The following CADPS2 variants were observed in gnomAD, a reference collection of about 807,000 sequenced individuals.
The protein encoded by CADPS2 is calcium dependent secretion activator 2, also known as calcium-dependent secretion activator 2.
A neutral mutation model predicts 172.5 loss-of-function variants in CADPS2; 93 were observed. The ratio of observed to expected loss-of-function variants is 0.54; its 90% CI spans 0.46 to 0.64. The LOEUF (loss-of-function observed/expected upper bound fraction) is 0.64, where lower values mean the gene tolerates loss of function less well. CADPS2 is among the 30% of genes least tolerant of loss of function. CADPS2 has a pLI of 0.00. For missense variants in CADPS2, 1,420 were observed against 1,565.9 expected (o/e 0.91, Z 1.57); for synonymous variants, 546 against 555.2 (o/e 0.98, Z 0.23).
intron 7 of CADPS2, among the ~76,000 whole-genome samples, chr7:122,565,110 ATTAC>A (rs2066281534): frequency 6.6e-6 from 1 of 152,040 alleles, no homozygotes. Flanking sequence ...GCACTGAAAA[ATTAC>A]TTACTCGATA....
At chr7:122,670,842 C>G (rs993305129) in intron 2 of CADPS2, among the ~76,000 whole-genome samples, 8 of 149,108 alleles carry the variant, frequency 5.4e-5, no homozygotes, top group Non-Finnish European at 5.9e-5. Context: ...TATGATCTCG[C>G]TACTGCACAG....
rs1431513372 is a variant in CADPS2 at position 122,508,465 on chromosome 7, T to G, written c.1542+4784A>C. Among the ~76,000 whole-genome samples the G allele has an allele frequency of 3.0e-5, 4 of 135,428 alleles. No homozygotes were observed. In the South Asian group the frequency reaches 1.0e-3, roughly 35 times the overall value. 88.8% of individuals were successfully genotyped at this position (135,428 alleles called of 152,430 possible). On this transcript the variant is annotated intron_variant, in intron 9 of 29. Transcript: ENST00000449022. ...TTCATTTAAGTTTTTTTTTTTTTTT[T>G]TTTTTTTTTTTTTTCTGGAGACAGC...
intron 1 of CADPS2, among the ~76,000 whole-genome samples, chr7:122,776,906 T>C (rs950126001): frequency 6.6e-6 from 1 of 152,150 alleles, no homozygotes; most frequent in Non-Finnish European, 1.5e-5. Context: ...ATGCCAGCAC[T>C]TTGGGAGACA....
chr7:122,608,100 C>G (rs12706422), intron 6 of CADPS2, among the ~76,000 whole-genome samples: 16,170 of 151,796 alleles, frequency 0.11, 983 homozygotes, highest in Middle Eastern at 0.16. Flanking sequence ...GTCTGTAGTC[C>G]CAGCTACTCA....
chr7:122,362,156 T>C (rs1026325849), intron 25 of CADPS2, among the ~76,000 whole-genome samples: 2 of 152,132 alleles, frequency 1.3e-5, no homozygotes, highest in Non-Finnish European at 2.9e-5. Context: ...TGGTGTAACA[T>C]ATGAGCTCTT....
chr7:122,619,650 A>C (rs186022983), intron 5 of CADPS2, among the ~76,000 whole-genome samples: 2 of 152,090 alleles, frequency 1.3e-5, no homozygotes, highest in African/African-American at 4.8e-5. Context: ...AAATAAGATA[A>C]ACTCTTGTTG....
intron 7 of CADPS2, among the ~76,000 whole-genome samples, chr7:122,573,037 C>G (rs2067481427): frequency 1.3e-5 from 2 of 152,150 alleles, no homozygotes; most frequent in Admixed American, 1.3e-4. Flanking sequence ...TATCATTTCA[C>G]AAACCTACAG....
chr7:122,624,053 T>C (rs1363853551), intron 4 of CADPS2, among the ~76,000 whole-genome samples: 1 of 152,244 alleles, frequency 6.6e-6, no homozygotes, highest in South Asian at 2.1e-4. Flanking sequence ...GACTAGACTA[T>C]ACTTGAATTT....
chr7:122,671,248 C>T (rs575056455), intron 2 of CADPS2, among the ~76,000 whole-genome samples: 6 of 152,276 alleles, frequency 3.9e-5, no homozygotes, highest in African/African-American at 1.4e-4. Flanking sequence ...ATCTGTAGCA[C>T]CTAGCACTAG....
intron 18 of CADPS2, among the ~76,000 whole-genome samples, chr7:122,415,373 C>T (rs193219672): frequency 2.6e-5 from 4 of 152,024 alleles, no homozygotes; most frequent in African/African-American, 4.8e-5. Flanking sequence ...GTTTGTGTTC[C>T]GTCTTTGCCT....
chr7:122,518,507 G>A (rs73717667), intron 8 of CADPS2, among the ~76,000 whole-genome samples: 2 of 152,012 alleles, frequency 1.3e-5, no homozygotes, highest in Non-Finnish European at 2.9e-5. Context: ...CATAAAGTAT[G>A]AGTCTACCAA....
chr7:122,619,818 A>G (rs1239988349), intron 5 of CADPS2, among the ~76,000 whole-genome samples: 1 of 152,202 alleles, frequency 6.6e-6, no homozygotes, highest in African/African-American at 2.4e-5. Context: ...CAAATTAGAC[A>G]TCCTTATGTC....
At chr7:122,438,960 C>T (rs2051005897) in intron 16 of CADPS2, among the ~76,000 whole-genome samples, 1 of 151,548 alleles carries the variant, frequency 6.6e-6, no homozygotes, top group Non-Finnish European at 1.5e-5. Flanking sequence ...CCTCTAATCT[C>T]ACTAAATTTT....
At chr7:122,802,706 T>C (rs1797918239) in intron 1 of CADPS2, among the ~76,000 whole-genome samples, 1 of 152,230 alleles carries the variant, frequency 6.6e-6, no homozygotes, top group Admixed American at 6.5e-5. Context: ...CACATGAGCT[T>C]ATTGTTCTTA....
intron 3 of CADPS2, among the ~76,000 whole-genome samples, chr7:122,641,125 A>G (rs2077596074): frequency 6.6e-6 from 1 of 151,916 alleles, no homozygotes; most frequent in Admixed American, 6.6e-5. Context: ...TCAACATTTT[A>G]TTTAACAATA....
intron 17 of CADPS2, chr7:122,425,870 T>C (rs940705196): frequency 6.6e-6 from 1 of 152,186 alleles, no homozygotes; most frequent in African/African-American, 2.4e-5. Context: ...TCTTTCCATG[T>C]CATTTGTTTT....
At chr7:122,462,141 C>A (rs115128853) in intron 14 of CADPS2, among the ~76,000 whole-genome samples, 2 of 151,930 alleles carry the variant, frequency 1.3e-5, no homozygotes, top group Admixed American at 1.3e-4. Context: ...ATACGAAGTA[C>A]AAAATAAGAA....
intron 1 of CADPS2, among the ~76,000 whole-genome samples, chr7:122,868,849 T>C (rs761678178): frequency 6.6e-6 from 1 of 152,204 alleles, no homozygotes; most frequent in South Asian, 2.1e-4. Flanking sequence ...AACGAAGAGA[T>C]AGAACATATT....
At chr7:122,793,386 CTTCT>C (rs1216600095) in intron 1 of CADPS2, among the ~76,000 whole-genome samples, 37 of 152,230 alleles carry the variant, frequency 2.4e-4, no homozygotes, top group African/African-American at 7.7e-4. Context: ...ATGTAATGCC[CTTCT>C]TTATCTTTTT....
Sources: gnomAD v4.1 joint callset for allele counts (sites outside exome capture counted in the v4.1 genomes callset) on GRCh38, gnomAD v4.1.1 for gene constraint, MANE v1.5 for transcripts, NCBI Gene and HGNC (gene_info 2026-07-23, HGNC 2026-07-21) for gene names.